The following PEAK1 variants were observed in gnomAD, a reference collection of about 807,000 sequenced individuals.
PEAK1 encodes pseudopodium enriched atypical kinase 1.
A neutral mutation model predicts 124.7 loss-of-function variants in PEAK1; 54 were observed. The observed-to-expected ratio is 0.43, with a 90% CI of 0.35 to 0.54. The LOEUF (loss-of-function observed/expected upper bound fraction) is 0.54, where lower values mean the gene tolerates loss of function less well. Ranked by LOEUF, PEAK1 falls within the 20% of genes least tolerant of loss-of-function variation. The probability of loss-of-function intolerance (pLI) is 0.01; values close to 1 mark genes in which losing one functional copy is unlikely to be tolerated. For missense variants in PEAK1, 2,046 were observed against 2,134.5 expected (o/e 0.96, Z 0.82); for synonymous variants, 719 against 760.0 (o/e 0.95, Z 0.89).
chr15:77,189,414 TG>T (rs1324053173), intron 6 of PEAK1, among the ~76,000 whole-genome samples: 1 of 151,688 alleles, frequency 6.6e-6, no homozygotes, highest in African/African-American at 2.4e-5. Context: ...AACATAAACA[TG>T]GCAGTGTCTG....
chr15:77,362,829 G>C (rs1033916420), intron 2 of PEAK1, among the ~76,000 whole-genome samples: 44 of 151,506 alleles, frequency 2.9e-4, no homozygotes, highest in African/African-American at 1.1e-3. Context: ...TGAAAAAAAA[G>C]AAAAAAAAGT....
intron 2 of PEAK1, chr15:77,348,219 A>AT (rs2066990473): frequency 2.1e-6 from 2 of 975,296 alleles, no homozygotes; most frequent in Non-Finnish European, 2.4e-6. Flanking sequence ...GGGATCAGAG[A>AT]CCCACCTGTA....
intron 6 of PEAK1, among the ~76,000 whole-genome samples, chr15:77,217,801 TA>T (rs1178476239): frequency 6.6e-6 from 1 of 152,210 alleles, no homozygotes; most frequent in East Asian, 1.9e-4. Flanking sequence ...AAAGTTTATA[TA>T]TTTTTTCATT....
chr15:77,294,593 T>C lies in PEAK1; in HGVS notation c.-602-8089A>G, dbSNP rs960538299. Among the ~76,000 whole-genome samples, 12 of 152,268 alleles carry C rather than the reference T, an allele frequency of 7.9e-5. No individual in the cohort carries two copies. The East Asian group carries it at 1.2e-3, about 15-fold the overall frequency. The stretch of plus-strand genomic sequence containing the variant: ...GGAAATATAACAATATGAATGCACA[T>C]TGAAATGTGTAAAATGCGATAAACA... On this transcript the variant is annotated intron_variant, in intron 2 of 9. Coordinates refer to ENST00000682557, the MANE Select transcript of PEAK1 (RefSeq NM_001385026.1).
At chr15:77,336,107 A>G (rs544633338) in intron 2 of PEAK1, 73 of 985,420 alleles carry the variant, frequency 7.4e-5, no homozygotes, top group East Asian at 4.5e-4. Flanking sequence ...GTGAGTGCCA[A>G]CTTCTCTGAG....
rs945945188 is a variant in PEAK1 at position 77,108,724 on chromosome 15, T to G, written c.*5432A>C. 3 of 152,192 alleles carry G rather than the reference T, an allele frequency of 2.0e-5. No homozygotes were observed. The highest frequency in any genetic ancestry group is 7.2e-5 in the African/African-American group (3 of 41,442). 9.4% of individuals were successfully genotyped at this position (152,192 alleles called of 1,614,324 possible). A position where few individuals can be genotyped will look rare whatever the true frequency, so the allele number is the denominator to read the frequency against. ...CTACAACAATATTCGTAGCAAAATA[T>G]ATGACTCTGTACTTCTGCTAGGTTA... On this transcript the variant is annotated 3_prime_UTR_variant, in exon 10 of 10. Transcript: ENST00000682557.
At chr15:77,208,004 A>G (rs1336456633) in intron 6 of PEAK1, among the ~76,000 whole-genome samples, 1 of 152,172 alleles carries the variant, frequency 6.6e-6, no homozygotes, top group Non-Finnish European at 1.5e-5. Flanking sequence ...GAAATAAGGG[A>G]CAAGGCTCTG....
chr15:77,111,338 A>G lies in PEAK1; in HGVS notation c.*2818T>C, dbSNP rs2050962758. 3.3e-5 allele frequency: 5 copies of G among 152,380 alleles called. No homozygotes were observed. The South Asian group carries it at 1.0e-3, about 32-fold the overall frequency. 9.4% of individuals were successfully genotyped at this position (152,380 alleles called of 1,614,324 possible). Reference sequence around the variant, plus strand: ...ATTAAAATGAAAAATATTTGTGATAATGTTAAACTGACTGAATTTCATTTT... The same window carrying G: ...ATTAAAATGAAAAATATTTGTGATAGTGTTAAACTGACTGAATTTCATTTT... On this transcript the variant is annotated 3_prime_UTR_variant, in exon 10 of 10. Coordinates refer to ENST00000682557, the MANE Select transcript of PEAK1 (RefSeq NM_001385026.1).
At chr15:77,197,089 G>A (rs960588466) in intron 6 of PEAK1, among the ~76,000 whole-genome samples, 2 of 151,498 alleles carry the variant, frequency 1.3e-5, no homozygotes, top group Admixed American at 6.6e-5. Context: ...CTGGGCTCAA[G>A]TGATCCACCT....
At chr15:77,352,995 T>C in intron 2 of PEAK1, 1 of 985,138 alleles carries the variant, frequency 1.0e-6, no homozygotes, top group South Asian at 4.7e-5. Flanking sequence ...ACTCAGTGAG[T>C]AAAACACTCT....
intron 5 of PEAK1, among the ~76,000 whole-genome samples, chr15:77,275,521 T>C (rs941672924): frequency 3.3e-5 from 5 of 151,758 alleles, no homozygotes; most frequent in African/African-American, 1.2e-4. Context: ...ATTGAGACCA[T>C]CCTGGCTAAC....
intron 2 of PEAK1, among the ~76,000 whole-genome samples, chr15:77,309,586 G>T (rs2064309372): frequency 6.6e-6 from 1 of 151,996 alleles, no homozygotes; most frequent in South Asian, 2.1e-4. Flanking sequence ...TAAAGTGAAG[G>T]AAGTGGTCAC....
chr15:77,344,089 G>A (rs550288919), intron 2 of PEAK1, among the ~76,000 whole-genome samples: 107 of 152,136 alleles, frequency 7.0e-4, no homozygotes, highest in African/African-American at 2.4e-3. Context: ...TTAGTTCTTG[G>A]CTGTCTGTTT....
At chr15:77,382,070 C>T (rs1331784117) in intron 1 of PEAK1, among the ~76,000 whole-genome samples, 2 of 152,186 alleles carry the variant, frequency 1.3e-5, no homozygotes, top group Admixed American at 1.3e-4. Flanking sequence ...TAGACTCCAT[C>T]CATGTCTCTC....
At chr15:77,241,967 T>C (rs1208802122) in intron 6 of PEAK1, among the ~76,000 whole-genome samples, 3 of 152,052 alleles carry the variant, frequency 2.0e-5, no homozygotes, top group African/African-American at 7.2e-5. Context: ...CTGAATAATA[T>C]ATAACAAATA....
intron 9 of PEAK1, among the ~76,000 whole-genome samples, chr15:77,116,703 T>C (rs968015097): frequency 1.0e-3 from 9 of 8,600 alleles, no homozygotes; most frequent in Admixed American, 6.9e-3. Context: ...AATCAATCAA[T>C]CTATCTATCT....
intron 2 of PEAK1, chr15:77,334,405 A>C: frequency 1.0e-6 from 1 of 985,236 alleles, no homozygotes. Flanking sequence ...TTCCAGATGA[A>C]GGTCTCCCAT....
chr15:77,302,293 T>C (rs545392430), intron 2 of PEAK1, among the ~76,000 whole-genome samples: 2 of 152,280 alleles, frequency 1.3e-5, no homozygotes, highest in East Asian at 1.9e-4. Context: ...CCTGTGCATA[T>C]ACATATATCT....
intron 2 of PEAK1, among the ~76,000 whole-genome samples, chr15:77,325,527 A>G (rs1163309115): frequency 1.3e-5 from 2 of 152,170 alleles, no homozygotes; most frequent in East Asian, 3.8e-4. Flanking sequence ...GCGCTTTTAT[A>G]TAGAGAGGGT....
Sources: allele counts gnomAD v4.1 joint callset (sites outside exome capture counted in the v4.1 genomes callset), GRCh38; gene constraint gnomAD v4.1.1; transcripts MANE v1.5; gene names NCBI Gene and HGNC (gene_info 2026-07-23, HGNC 2026-07-21).